Variants in PCSK5 observed in about 807,000 individuals in gnomAD.
PCSK5 encodes proprotein convertase subtilisin/kexin type 5, also known as prohormone convertase 5.
Under a neutral mutation model 233.2 loss-of-function variants are expected in PCSK5, and 129 were observed. The ratio of observed to expected loss-of-function variants is 0.55; its 90% CI spans 0.48 to 0.64. The LOEUF (loss-of-function observed/expected upper bound fraction) is 0.64. PCSK5 is among the 30% of genes least tolerant of loss of function. The pLI, the probability that PCSK5 is intolerant of heterozygous loss-of-function variation, is 0.00. For missense variants in PCSK5, 2,076 were observed against 2,430.1 expected (o/e 0.85, Z 3.06); for synonymous variants, 825 against 879.2 (o/e 0.94, Z 1.09).
At chr9:76,310,316 T>A (rs1004262426) in intron 29 of PCSK5, among the ~76,000 whole-genome samples, 6 of 151,428 alleles carry the variant, frequency 4.0e-5, no homozygotes, top group Non-Finnish European at 8.8e-5. Context: ...AAGCAGAGTA[T>A]TAATAGATTC....
chr9:75,965,737 C>T (rs2131353477), intron 2 of PCSK5, among the ~76,000 whole-genome samples: 1 of 152,226 alleles, frequency 6.6e-6, no homozygotes, highest in East Asian at 1.9e-4. Flanking sequence ...ATCATACTGC[C>T]TATTGGTGAC....
At position 76,339,646 on chromosome 9, in the gene PCSK5, G is replaced by A. The variant is rs151294447; in HGVS notation, c.4966+1199G>A. On this transcript the variant is annotated intron_variant, in intron 35 of 37. Transcript: ENST00000674117. ...TGCAACCTCCGCCTCCCAGGATCAA[G>A]CGATTCTCCTGCCTCAGCCTCCTAA... 9.8e-3 allele frequency among the ~76,000 whole-genome samples: 1,488 copies of A among 152,216 alleles called. 24 individuals are homozygous for A. The highest frequency in any genetic ancestry group is 0.032 in the African/African-American group (1,330 of 41,526).
At position 75,981,107 on chromosome 9, in the gene PCSK5, G is replaced by C. The variant is rs1190828797; in HGVS notation, c.298-5025G>C. The stretch of plus-strand genomic sequence containing the variant: ...GCAACTGTTTCATTCAAATCATAGA[G>C]TAACATATGATTTACTACACTCCTT... On this transcript the variant is annotated intron_variant, in intron 2 of 37. Coordinates refer to ENST00000674117, the MANE Select transcript of PCSK5 (RefSeq NM_001372043.1). 4.6e-5 allele frequency among the ~76,000 whole-genome samples: 7 copies of C among 152,136 alleles called. No homozygotes were observed. In the South Asian group the frequency reaches 1.4e-3, roughly 31 times the overall value.
At chr9:76,349,670 T>C (rs1830068850) in intron 35 of PCSK5, among the ~76,000 whole-genome samples, 1 of 152,228 alleles carries the variant, frequency 6.6e-6, no homozygotes, top group Admixed American at 6.5e-5. Context: ...ATTGTTCTGA[T>C]GGGAAGACCT....
intron 10 of PCSK5, among the ~76,000 whole-genome samples, chr9:76,138,396 G>C (rs895926834): frequency 2.6e-5 from 4 of 151,966 alleles, no homozygotes; most frequent in Non-Finnish European, 5.9e-5. Context: ...AGCTCCATTT[G>C]GGCATATAGT....
Position 76,270,525 on chromosome 9 carries a change from G to A in PCSK5, c.3143-21708G>A, listed in dbSNP as rs147414477. 4.7e-3 allele frequency among the ~76,000 whole-genome samples: 712 copies of A among 152,254 alleles called. 3 individuals carry two copies. The highest frequency in any genetic ancestry group is 6.5e-3 in the Non-Finnish European group (439 of 68,010). ...GCCTTGGCACAGTATCCTGAATAGA[G>A]GACATTCAAGGCAAGGTCTTGAAAT... is the stretch of plus-strand genomic sequence containing the variant. On this transcript the variant is annotated intron_variant, in intron 24 of 37. Coordinates refer to ENST00000674117, the MANE Select transcript of PCSK5 (RefSeq NM_001372043.1).
At chr9:76,009,620 C>T (rs766631601) in intron 3 of PCSK5, among the ~76,000 whole-genome samples, 3 of 148,094 alleles carry the variant, frequency 2.0e-5, no homozygotes, top group Non-Finnish European at 3.0e-5. Context: ...AGCGAGACTC[C>T]GTCTCAAGGA....
intron 8 of PCSK5, among the ~76,000 whole-genome samples, chr9:76,097,582 C>T (rs1287640342): frequency 1.3e-5 from 2 of 152,236 alleles, no homozygotes; most frequent in African/African-American, 4.8e-5. Context: ...GTTCAGGTGG[C>T]AGGCTCAGCC....
chr9:76,112,489 TATATACACAGAC>T (rs922580098), intron 9 of PCSK5, among the ~76,000 whole-genome samples: 1 of 152,198 alleles, frequency 6.6e-6, no homozygotes, highest in African/African-American at 2.4e-5. Flanking sequence ...TGGTATCTTA[TATATACACAGAC>T]ATATACACAT....
At chr9:76,085,097 C>T (rs1452519185) in intron 7 of PCSK5, among the ~76,000 whole-genome samples, 1 of 152,186 alleles carries the variant, frequency 6.6e-6, no homozygotes, top group Non-Finnish European at 1.5e-5. Flanking sequence ...GCACTTTCTG[C>T]CATCGTGCTC....
intron 3 of PCSK5, among the ~76,000 whole-genome samples, chr9:76,009,822 A>T (rs1256437229): frequency 2.6e-5 from 4 of 152,076 alleles, no homozygotes; most frequent in African/African-American, 9.7e-5. Flanking sequence ...CTACAATCAT[A>T]CTTCATTATT....
intron 24 of PCSK5, among the ~76,000 whole-genome samples, chr9:76,262,285 T>G (rs1399307794): frequency 6.6e-6 from 1 of 152,098 alleles, no homozygotes; most frequent in Admixed American, 6.6e-5. Flanking sequence ...ACTTTAAAGT[T>G]CATATGGAAC....
chr9:76,337,625 T>G (rs899689653), intron 34 of PCSK5, among the ~76,000 whole-genome samples: 2 of 152,088 alleles, frequency 1.3e-5, no homozygotes, highest in Non-Finnish European at 2.9e-5. Context: ...AGGCACATGC[T>G]ACCATGTCTG....
At chr9:76,175,606 G>A (rs1823577122) in intron 14 of PCSK5, 2 of 169,022 alleles carry the variant, frequency 1.2e-5, no homozygotes, top group Non-Finnish European at 2.5e-5. Flanking sequence ...ATAGAGTTCT[G>A]TTTTGAGACT....
intron 1 of PCSK5, among the ~76,000 whole-genome samples, chr9:75,919,035 G>T (rs1823126390): frequency 6.6e-6 from 1 of 152,160 alleles, no homozygotes. Context: ...TTTGACAAAT[G>T]CGTATGGTTG....
chr9:76,054,348 A>G (rs1829746576), intron 5 of PCSK5, among the ~76,000 whole-genome samples: 1 of 152,206 alleles, frequency 6.6e-6, no homozygotes. Context: ...ATATTTTCTG[A>G]TAAACCAAGC....
chr9:76,315,469 A>G (rs2131446964), intron 30 of PCSK5, among the ~76,000 whole-genome samples: 1 of 152,342 alleles, frequency 6.6e-6, no homozygotes, highest in South Asian at 2.1e-4. Context: ...AGACTTCAAC[A>G]TTAAGTACTT....
chr9:76,051,348 G>A (rs73650428), intron 5 of PCSK5, among the ~76,000 whole-genome samples: 11,848 of 152,124 alleles, frequency 0.078, 1,497 homozygotes, highest in African/African-American at 0.27. Context: ...ACAGCCCTGC[G>A]TTATTCAGCT....
intron 5 of PCSK5, among the ~76,000 whole-genome samples, chr9:76,029,232 A>G (rs1828555484): frequency 1.3e-5 from 2 of 152,162 alleles, no homozygotes; most frequent in Non-Finnish European, 2.9e-5. Context: ...TATAGCGTTT[A>G]AGCAGACAGT....
Sources: allele counts gnomAD v4.1 joint callset (sites outside exome capture counted in the v4.1 genomes callset), GRCh38; gene constraint gnomAD v4.1.1; transcripts MANE v1.5; gene names NCBI Gene and HGNC (gene_info 2026-07-23, HGNC 2026-07-21).